Variants in CCDC90B observed in about 807,000 individuals in gnomAD.
The protein encoded by CCDC90B is coiled-coil domain-containing protein 90B, mitochondrial.
A neutral mutation model predicts 37.0 loss-of-function variants in CCDC90B; 24 were observed. The observed-to-expected ratio is 0.65, with a 90% CI of 0.47 to 0.91. The LOEUF (loss-of-function observed/expected upper bound fraction) is 0.91, where lower values mean the gene tolerates loss of function less well. CCDC90B is among the 40% of genes least tolerant of loss of function. The probability of loss-of-function intolerance (pLI) is 0.00; values close to 1 mark genes in which losing one functional copy is unlikely to be tolerated. For missense variants in CCDC90B, 319 were observed against 299.0 expected, an observed-to-expected ratio of 1.07 and a Z score of -0.49; for synonymous variants, 113 against 101.1, an observed-to-expected ratio of 1.12 and a Z score of -0.71.
chr11:83,266,031 G>A (rs1300204456), intron 7 of CCDC90B, 52 bp from the exon 8 acceptor site: 1 of 925,190 alleles, frequency 1.1e-6, no homozygotes, highest in Non-Finnish European at 1.7e-6. Flanking sequence ...GTATTAAATG[G>A]ACAAAAGCAT....
At chr11:83,273,593 G>A (rs1864823193) in intron 7 of CCDC90B, 54 bp downstream of exon 7, 4 of 1,352,202 alleles carry the variant, frequency 3.0e-6, no homozygotes, top group Non-Finnish European at 4.1e-6. Context: ...CATAAAAGCA[G>A]TTATACAAGG....
chr11:83,280,354 T>C (rs937089293), intron 1 of CCDC90B, 94 bp from the exon 2 acceptor site: 6 of 1,100,294 alleles, frequency 5.5e-6, no homozygotes, highest in African/African-American at 3.1e-5. Flanking sequence ...ATTTATAATA[T>C]AGTTCCAGCT....
In CCDC90B at chr11:83,259,190, A is replaced by T. The variant is rs943525643; in HGVS notation, c.*2721T>A. ...ACTTGTAGTTTAGTGTAGGAAAAAG[A>T]TACGTATAATTGCTGTTTCATAGTG... On this transcript the variant is annotated 3_prime_UTR_variant, in exon 9 of 9. Transcript: ENST00000529689. The T allele has an allele frequency of 3.9e-5, 6 of 152,222 alleles. No homozygotes were observed. The highest frequency in any genetic ancestry group is 8.8e-5 in the Non-Finnish European group (6 of 68,038). 9.4% of individuals were successfully genotyped at this position (152,222 alleles called of 1,614,324 possible). A position where few individuals can be genotyped will look rare whatever the true frequency, so the allele number is the denominator to read the frequency against.
At chr11:83,271,517 CTCA>C (rs1311440473) in intron 7 of CCDC90B, among the ~76,000 whole-genome samples, 5 of 152,182 alleles carry the variant, frequency 3.3e-5, no homozygotes, top group African/African-American at 9.7e-5. Flanking sequence ...TGAAAAAATG[CTCA>C]TCATCACTGG....
intron 7 of CCDC90B, among the ~76,000 whole-genome samples, chr11:83,268,297 GAC>G (rs1252171529): frequency 1.3e-5 from 2 of 152,236 alleles, no homozygotes; most frequent in East Asian, 3.9e-4. Flanking sequence ...CCAATTAAAA[GAC>G]ACAGACTGGC....
intron 3 of CCDC90B, among the ~76,000 whole-genome samples, chr11:83,277,671 T>C (rs1865128502): frequency 6.6e-6 from 1 of 151,798 alleles, no homozygotes; most frequent in South Asian, 2.1e-4. Flanking sequence ...TTTTTTGTTT[T>C]TTCAAGTAGA....
At chr11:83,274,473 GA>G (rs1413650842) in intron 4 of CCDC90B, 165 bp downstream of exon 4, 13 of 455,416 alleles carry the variant, frequency 2.9e-5, no homozygotes, top group Non-Finnish European at 4.7e-5. Context: ...GATTTATATA[GA>G]AAAAGATTAG....
At chr11:83,284,093 C>T (rs963316266) in intron 1 of CCDC90B, among the ~76,000 whole-genome samples, 1 of 152,172 alleles carries the variant, frequency 6.6e-6, no homozygotes. Context: ...TTTGTACAGA[C>T]TTAAACATCT....
At chr11:83,278,006 A>C (rs538356390) in intron 3 of CCDC90B, among the ~76,000 whole-genome samples, 80 of 152,356 alleles carry the variant, frequency 5.3e-4, no homozygotes, top group African/African-American at 1.8e-3. Context: ...TTATTTCATG[A>C]CTGACAGAAA....
intron 1 of CCDC90B, among the ~76,000 whole-genome samples, chr11:83,284,962 GCAGCTAAA>G (rs1347319145): frequency 6.6e-6 from 1 of 152,156 alleles, no homozygotes; most frequent in Non-Finnish European, 1.5e-5. Flanking sequence ...AATGACCCTG[GCAGCTAAA>G]CAGCAATCTC....
In CCDC90B at chr11:83,259,623, A is replaced by G. The variant is rs1408543620; in HGVS notation, c.*2288T>C. ...TGAATAAACTAATATAGAGGCCTAAAAAACACCTTTATTTGCTGATAAAAC... is the reference window on the plus strand; with the variant it reads ...TGAATAAACTAATATAGAGGCCTAAGAAACACCTTTATTTGCTGATAAAAC... On this transcript the variant is annotated 3_prime_UTR_variant, in exon 9 of 9. Transcript: ENST00000529689. 1 of 152,220 alleles carries G rather than the reference A, an allele frequency of 6.6e-6. No individual in the cohort carries two copies. Among genetic ancestry groups the G allele is most frequent in the Non-Finnish European group, 1.5e-5 (1 of 68,054 alleles). The allele number at this position is 152,220 out of a possible 1,614,324, so 9.4% of individuals were successfully genotyped here. A position where few individuals can be genotyped will look rare whatever the true frequency, so the allele number is the denominator to read the frequency against.
intron 8 of CCDC90B, among the ~76,000 whole-genome samples, chr11:83,264,710 A>C (rs1451033672): frequency 6.6e-6 from 1 of 152,028 alleles, no homozygotes; most frequent in African/African-American, 2.4e-5. Context: ...AACCAACCCA[A>C]ATGGCCAACA....
chr11:83,281,874 T>G (rs1309312504), intron 1 of CCDC90B, among the ~76,000 whole-genome samples: 2 of 152,172 alleles, frequency 1.3e-5, no homozygotes, highest in Non-Finnish European at 2.9e-5. Context: ...TGAGGTAAAT[T>G]GAGGCTCAGG....
rs148714791 is a variant in CCDC90B at position 83,285,566 on chromosome 11, C to T, written c.100+307G>A. The T allele has an allele frequency of 1.0e-4, 130 of 1,242,302 alleles. No homozygotes were observed. In the East Asian group the frequency reaches 3.1e-3, roughly 29 times the overall value. The allele number at this position is 1,242,302 out of a possible 1,614,324, so 77.0% of individuals were successfully genotyped here. On this transcript the variant is annotated intron_variant, in intron 1 of 8. Coordinates refer to ENST00000529689, the MANE Select transcript of CCDC90B (RefSeq NM_021825.5). ...AACACAGATTACCTTACGTTGGCTCCTGACGAGATTACTAGCCTCTTGTCA... is the reference window on the plus strand; with the variant it reads ...AACACAGATTACCTTACGTTGGCTCTTGACGAGATTACTAGCCTCTTGTCA...
At chr11:83,278,602 TGG>T in intron 3 of CCDC90B, 122 bp downstream of exon 3, 4 of 579,024 alleles carry the variant, frequency 6.9e-6, no homozygotes, top group Non-Finnish European at 9.2e-6. Flanking sequence ...TTTTTTTTTG[TGG>T]TCCCTTTAGA....
intron 1 of CCDC90B, 75 bp downstream of exon 1, chr11:83,285,798 C>G: frequency 3.3e-6 from 5 of 1,519,800 alleles, no homozygotes; most frequent in South Asian, 1.2e-5. Context: ...CCCGTTCGCT[C>G]GAGCAGGCGC....
chr11:83,271,648 C>T (rs532455733), intron 7 of CCDC90B, among the ~76,000 whole-genome samples: 26 of 152,312 alleles, frequency 1.7e-4, no homozygotes, highest in African/African-American at 2.6e-4. Context: ...GAAATAGGAA[C>T]GCTTTTACAC....
At chr11:83,272,947 C>T (rs1436466911) in intron 7 of CCDC90B, among the ~76,000 whole-genome samples, 2 of 152,116 alleles carry the variant, frequency 1.3e-5, no homozygotes, top group Non-Finnish European at 2.9e-5. Context: ...TCCCTAGTGA[C>T]ACCACTTATT....
intron 1 of CCDC90B, among the ~76,000 whole-genome samples, chr11:83,281,494 T>A (rs1407488534): frequency 6.6e-6 from 1 of 152,128 alleles, no homozygotes. Context: ...TCCAAAAAAT[T>A]CTATTTAACT....
Sources: allele counts gnomAD v4.1 joint callset (sites outside exome capture counted in the v4.1 genomes callset), GRCh38; gene constraint gnomAD v4.1.1; transcripts MANE v1.5; gene names NCBI Gene and HGNC (gene_info 2026-07-23, HGNC 2026-07-21).